Variants in NARF observed in about 807,000 individuals in gnomAD.
The protein encoded by NARF is nuclear prelamin A recognition factor, also known as iron-only hydrogenase-like protein 2.
In NARF, 41 loss-of-function variants were observed where a neutral mutation model predicts 48.0. That is an observed-to-expected ratio of 0.85 (90% confidence interval 0.66 to 1.11). The LOEUF (loss-of-function observed/expected upper bound fraction) is 1.11. NARF is among the 50% of genes least tolerant of loss of function. The pLI, the probability that NARF is intolerant of heterozygous loss-of-function variation, is 0.00. For synonymous variants in NARF, 215 were observed against 225.5 expected, an observed-to-expected ratio of 0.95 and a Z score of 0.42; for missense variants, 613 against 590.2, an observed-to-expected ratio of 1.04 and a Z score of -0.40.
At position 82,484,813 on chromosome 17, in the gene NARF, G is replaced by A. The variant is rs760831614; in HGVS notation, c.834G>A (p.Leu278=). 3.1e-6 allele frequency: 5 copies of A among 1,599,488 alleles called. No individual in the cohort carries two copies. Among genetic ancestry groups the A allele is most frequent in the African/African-American group, 1.3e-5 (1 of 74,432 alleles). ...ACTTGTATTTTCTCTGCCTTGTGAG[G>A]TTTGGAGACTTGAAGGAGGACAAAG... is the stretch of plus-strand genomic sequence containing the variant. ...LSVRDAAVDT[L]FGDLKEDKVT... is the part of the protein sequence containing the mutation. The change falls in exon 9 of 11, where the codon CTG becomes CTA. Residue 278 remains leucine (L), a splice_region_variant and synonymous_variant. Transcript: ENST00000309794.
intron 1 of NARF, 46 bp downstream of exon 1, chr17:82,458,876 T>TG (rs1220811961): frequency 1.5e-6 from 2 of 1,345,942 alleles, no homozygotes; most frequent in African/African-American, 3.0e-5. Context: ...GCTTGTCCTG[T>TG]GGGGCTCTGG....
chr17:82,483,852 C>G, intron 8 of NARF, 73 bp downstream of exon 8: 1 of 1,372,134 alleles, frequency 7.3e-7, no homozygotes, highest in Non-Finnish European at 1.0e-6. Flanking sequence ...ACCTGCCAGG[C>G]CCAGGGCTGC....
intron 3 of NARF, among the ~76,000 whole-genome samples, chr17:82,466,530 G>A (rs1348942366): frequency 6.6e-6 from 1 of 151,888 alleles, no homozygotes; most frequent in Non-Finnish European, 1.5e-5. Flanking sequence ...TCAGCTTATT[G>A]CAACCTCTCC....
At chr17:82,470,684 T>C (rs1341814500) in intron 4 of NARF, among the ~76,000 whole-genome samples, 1 of 151,664 alleles carries the variant, frequency 6.6e-6, no homozygotes, top group Non-Finnish European at 1.5e-5. Context: ...TTAGTAAAGA[T>C]GGGGTTTCAC....
chr17:82,475,300 T>C (rs1350356949), intron 5 of NARF, among the ~76,000 whole-genome samples: 1 of 152,226 alleles, frequency 6.6e-6, no homozygotes, highest in Non-Finnish European at 1.5e-5. Context: ...GCAGTGGTTT[T>C]TAAATTATAA....
chr17:82,483,863 C>A (rs1322120731), intron 8 of NARF, 84 bp downstream of exon 8: 2 of 1,339,126 alleles, frequency 1.5e-6, no homozygotes, highest in East Asian at 2.3e-5. Context: ...CCAGGGCTGC[C>A]CTGCTTTATG....
chr17:82,472,765 C>T (rs2043742851), intron 5 of NARF, 67 bp downstream of exon 5: 1 of 1,552,764 alleles, frequency 6.4e-7, no homozygotes, highest in Non-Finnish European at 8.7e-7. Flanking sequence ...ATTCTGCAGG[C>T]TCTAGATGAG....
intron 7 of NARF, 36 bp downstream of exon 7, chr17:82,481,247 G>A: frequency 6.2e-7 from 1 of 1,610,848 alleles, no homozygotes; most frequent in Non-Finnish European, 8.5e-7. Context: ...GGGCGCTGGG[G>A]TAATCTCCTA....
intron 1 of NARF, 21 bp downstream of exon 1, chr17:82,458,851 A>G: frequency 7.2e-7 from 1 of 1,394,268 alleles, no homozygotes; most frequent in Non-Finnish European, 9.3e-7. Context: ...CGGGCCGGGG[A>G]GGCGCGCGCC....
chr17:82,480,930 CAAA>C (rs35163925), intron 6 of NARF, 149 bp from the exon 7 acceptor site: 4,981 of 619,694 alleles, frequency 8.0e-3, no homozygotes, highest in Non-Finnish European at 9.0e-3. Flanking sequence ...GACTCCATTT[CAAA>C]AAAAAAAAAA....
At chr17:82,468,596 C>A in intron 3 of NARF, 168 bp from the exon 4 acceptor site, 1 of 661,206 alleles carries the variant, frequency 1.5e-6, no homozygotes, top group South Asian at 2.3e-5. Context: ...CACCATAATC[C>A]TGATTTTTTT....
chr17:82,474,926 T>G lies in NARF; in HGVS notation c.520+2228T>G, dbSNP rs1056491564. 5.3e-5 allele frequency among the ~76,000 whole-genome samples: 8 copies of G among 152,184 alleles called. No homozygotes were observed. In the East Asian group the frequency reaches 1.3e-3, roughly 26 times the overall value. On this transcript the variant is annotated intron_variant, in intron 5 of 10. Coordinates refer to ENST00000309794, the MANE Select transcript of NARF (RefSeq NM_012336.4). ...GCCTTACTGTAAGTGATTCACAGATTTTTGTATCAGAGGTCGAAGTATAAG... is the reference window on the plus strand; with the variant it reads ...GCCTTACTGTAAGTGATTCACAGATGTTTGTATCAGAGGTCGAAGTATAAG...
chr17:82,485,334 T>C (rs1476815707), intron 9 of NARF, among the ~76,000 whole-genome samples, 163 bp from the exon 10 acceptor site: 1 of 151,560 alleles, frequency 6.6e-6, no homozygotes, highest in Non-Finnish European at 1.5e-5. Context: ...GGCAGGAGAA[T>C]GGCGTGAACC....
chr17:82,471,055 C>G (rs147183772), intron 4 of NARF, among the ~76,000 whole-genome samples: 1 of 151,408 alleles, frequency 6.6e-6, no homozygotes, highest in Non-Finnish European at 1.5e-5. Flanking sequence ...CCCAGCTACT[C>G]GGGAGGCTGA....
rs147160209 is a variant in NARF, at chr17:82,460,037, G to A, written c.73G>A (p.Ala25Thr). 1,397 of 1,614,044 alleles carry A rather than the reference G, an allele frequency of 8.7e-4. 23 individuals carry two copies. The East Asian group carries it at 0.03, about 35-fold the overall frequency. Reference protein sequence around the residue: ...TKTDDQENVSADAPSPAQENG... With the variant: ...TKTDDQENVSTDAPSPAQENG... ...AACTGATGACCAAGAGAATGTGTCA[G>A]CCGATGCACCGAGTCCAGCCCAGGA... The change falls in exon 2 of 11, where the codon GCC becomes ACC. Residue 25 changes from alanine to threonine, a missense_variant. Transcript: ENST00000309794.
chr17:82,458,808 A>C lies in NARF; in HGVS notation c.5A>C (p.Lys2Thr). The C allele has an allele frequency of 6.9e-7, 1 of 1,450,952 alleles. No individual in the cohort carries two copies. 89.9% of individuals were successfully genotyped at this position (1,450,952 alleles called of 1,614,324 possible). Reference protein sequence around the residue: MKCEHCTRKECS... With the variant: MTCEHCTRKECS... ...CTCCCGCCCGCCGCGCTCCAGATGA[A>C]GTGTGAGCACTGCACGCGCAAGGTG... Residue 2 changes from lysine to threonine, a missense_variant, in exon 1 of 11, where the codon AAG becomes ACG. Physicochemically the swap from Lys to Thr is moderately conservative, Grantham distance 78 (BLOSUM62 -1). Transcript: ENST00000309794.
chr17:82,459,872 A>G (rs2043390573), intron 1 of NARF, 120 bp from the exon 2 acceptor site: 1 of 768,610 alleles, frequency 1.3e-6, no homozygotes, highest in Non-Finnish European at 2.0e-6. Context: ...GTCTAAAAAA[A>G]TAAATAAATA....
chr17:82,488,535 C>T lies in NARF; in HGVS notation c.*378C>T, dbSNP rs1599860893. On this transcript the variant is annotated 3_prime_UTR_variant, in exon 11 of 11. Transcript: ENST00000309794. The stretch of plus-strand genomic sequence containing the variant: ...GGACTAACGCGCACACCACCATGCC[C>T]AGCTAATTTTTGTATTTTTAGTAGA... 2 of 181,498 alleles carry T rather than the reference C, an allele frequency of 1.1e-5. No homozygotes were observed. Among genetic ancestry groups the T allele is most frequent in the South Asian group, 1.1e-4 (1 of 9,156 alleles). 11.2% of individuals were successfully genotyped at this position (181,498 alleles called of 1,614,324 possible).
In NARF at chr17:82,468,870, G is replaced by A; in HGVS notation, c.359G>A (p.Arg120Lys). The change falls in exon 4 of 11, where the codon AGA becomes AAA. Residue 120 changes from arginine to lysine, a missense_variant. By Grantham distance (26) the Arg-to-Lys change is conservative. Coordinates refer to ENST00000309794, the MANE Select transcript of NARF (RefSeq NM_012336.4). ...FNLSVTDASR[R>K]LCGFLKSLGV... is the part of the protein sequence containing the mutation. ...CTCAGTGTAACTGATGCATCCAGAAGACTCTGTGGTTTCCTCAAAAGTCTT... is the reference window on the plus strand; with the variant it reads ...CTCAGTGTAACTGATGCATCCAGAAAACTCTGTGGTTTCCTCAAAAGTCTT... 3.7e-6 allele frequency: 6 copies of A among 1,613,994 alleles called. No individual in the cohort carries two copies. The highest frequency in any genetic ancestry group is 5.1e-6 in the Non-Finnish European group (6 of 1,179,980).
Sources: allele counts gnomAD v4.1 joint callset (sites outside exome capture counted in the v4.1 genomes callset), GRCh38; gene constraint gnomAD v4.1.1; transcripts MANE v1.5; gene names NCBI Gene and HGNC (gene_info 2026-07-23, HGNC 2026-07-21).